C12orf54: variants seen among roughly 807,000 people sequenced by gnomAD.
C12orf54 encodes chromosome 12 open reading frame 54.
In C12orf54, 24 loss-of-function variants were observed where a neutral mutation model predicts 26.4. The ratio of observed to expected loss-of-function variants is 0.91; its 90% CI spans 0.66 to 1.28. The LOEUF (loss-of-function observed/expected upper bound fraction) is 1.28. Among genes scored for constraint, C12orf54 ranks in the 50% most tolerant of loss-of-function variants. The probability of loss-of-function intolerance (pLI) is 0.00; values close to 1 mark genes in which losing one functional copy is unlikely to be tolerated. For synonymous variants in C12orf54, 54 were observed against 47.0 expected, an observed-to-expected ratio of 1.15 and a Z score of -0.61; for missense variants, 154 against 150.9, an observed-to-expected ratio of 1.02 and a Z score of -0.11.
Position 48,494,990 on chromosome 12 carries a change from C to G in C12orf54, c.*40+11C>G, listed in dbSNP as rs1473251837. ...CTCTGCTTCCGCCAGGTGCTTTACC[C>G]AAGCAGCCTTTCCCCTGAGCTCCAC... On this transcript the variant is annotated intron_variant, in intron 8 of 8. Coordinates refer to ENST00000548364, the MANE Select transcript of C12orf54 (RefSeq NM_152319.4). The G allele has an allele frequency of 6.3e-7, 1 of 1,578,942 alleles. No homozygotes were observed. Among genetic ancestry groups the G allele is most frequent in the Admixed American group, 1.7e-5 (1 of 59,536 alleles).
chr12:48,435,562 C>G, the C12orf54 span, among the ~76,000 whole-genome samples: 1 of 152,210 alleles, frequency 6.6e-6, no homozygotes, highest in Non-Finnish European at 1.5e-5. Context: ...CAGCTGATCT[C>G]TCGGCAGAAA....
chr12:48,483,972 T>C (rs1371105531), intron 2 of C12orf54, among the ~76,000 whole-genome samples: 1 of 152,184 alleles, frequency 6.6e-6, no homozygotes, highest in Non-Finnish European at 1.5e-5. Context: ...GGCGGGCGGA[T>C]CACCTGAGGT....
upstream of C12orf54, among the ~76,000 whole-genome samples, chr12:48,481,477 G>A (rs1353448469): frequency 6.6e-6 from 1 of 152,098 alleles, no homozygotes; most frequent in Admixed American, 6.6e-5. Flanking sequence ...TAGTAAGAAG[G>A]TGGTGTGCAG....
the C12orf54 span, among the ~76,000 whole-genome samples, chr12:48,457,420 G>A: frequency 2.6e-5 from 4 of 151,972 alleles, no homozygotes; most frequent in Admixed American, 2.0e-4. Flanking sequence ...TGCAACCTCT[G>A]CCTTATGGGT....
At chr12:48,494,263 G>A (rs1937863055) in intron 7 of C12orf54, among the ~76,000 whole-genome samples, 2 of 151,876 alleles carry the variant, frequency 1.3e-5, no homozygotes, top group Admixed American at 6.6e-5. Context: ...TCCCGAACCA[G>A]GAAATGGAAA....
At chr12:48,441,356 G>C in the C12orf54 span, among the ~76,000 whole-genome samples, 1 of 152,140 alleles carries the variant, frequency 6.6e-6, no homozygotes, top group Non-Finnish European at 1.5e-5. Context: ...CCAGCTACTT[G>C]GGAGGCTGAG....
the C12orf54 span, chr12:48,473,550 A>G: frequency 8.6e-6 from 3 of 350,658 alleles, no homozygotes; most frequent in South Asian, 5.1e-5. Flanking sequence ...AGAGAGGAAA[A>G]GTGTACTGGG....
chr12:48,494,997 C>A lies in C12orf54; in HGVS notation c.*40+18C>A. ...TCCGCCAGGTGCTTTACCCAAGCAG[C>A]CTTTCCCCTGAGCTCCACCCTGCCC... On this transcript the variant is annotated intron_variant, in intron 8 of 8. Transcript: ENST00000548364. 6.4e-7 allele frequency: 1 copy of A among 1,564,052 alleles called. No individual in the cohort carries two copies. Among genetic ancestry groups the A allele is most frequent in the Non-Finnish European group, 8.8e-7 (1 of 1,141,186 alleles).
the C12orf54 span, among the ~76,000 whole-genome samples, chr12:48,430,639 A>T: frequency 5.9e-5 from 9 of 152,194 alleles, 1 homozygote; most frequent in Admixed American, 2.6e-4. Context: ...TTAAAAAAAT[A>T]AAAAAGCAGT....
chr12:48,415,356 A>T, the C12orf54 span, among the ~76,000 whole-genome samples: 1 of 152,198 alleles, frequency 6.6e-6, no homozygotes, highest in Non-Finnish European at 1.5e-5. Flanking sequence ...CTACTTTTTC[A>T]CCTACCATTC....
upstream of C12orf54, among the ~76,000 whole-genome samples, chr12:48,478,039 C>T (rs1305360437): frequency 6.6e-6 from 1 of 152,180 alleles, no homozygotes. Flanking sequence ...CATCATAAAG[C>T]TTATCCACCA....
At chr12:48,425,427 A>G in the C12orf54 span, among the ~76,000 whole-genome samples, 1 of 152,064 alleles carries the variant, frequency 6.6e-6, no homozygotes, top group East Asian at 1.9e-4. Flanking sequence ...TTATGATTGC[A>G]TGGCATTCTG....
chr12:48,458,394 G>A, the C12orf54 span, among the ~76,000 whole-genome samples: 6 of 152,056 alleles, frequency 3.9e-5, no homozygotes, highest in South Asian at 1.2e-3. Flanking sequence ...TTTTATTATC[G>A]GGGTGTTTGG....
chr12:48,450,843 C>G, the C12orf54 span, among the ~76,000 whole-genome samples: 1 of 152,050 alleles, frequency 6.6e-6, no homozygotes, highest in Admixed American at 6.6e-5. Flanking sequence ...AAATAGCCTA[C>G]CAACCATAAA....
the C12orf54 span, chr12:48,473,445 T>A: frequency 6.5e-6 from 4 of 614,206 alleles, no homozygotes; most frequent in Non-Finnish European, 2.8e-6. Context: ...AAATTCCTTT[T>A]GTGATTTTAC....
the C12orf54 span, among the ~76,000 whole-genome samples, chr12:48,429,438 G>A: frequency 6.6e-6 from 1 of 151,880 alleles, no homozygotes; most frequent in Non-Finnish European, 1.5e-5. Flanking sequence ...CCTCCAGAAG[G>A]CTCCTCAAAC....
the C12orf54 span, among the ~76,000 whole-genome samples, chr12:48,467,176 G>A: frequency 3.3e-5 from 5 of 152,068 alleles, no homozygotes; most frequent in African/African-American, 1.2e-4. Context: ...AGAAGAGAAG[G>A]TGATGGGAAG....
chr12:48,453,034 G>A, the C12orf54 span, among the ~76,000 whole-genome samples: 27 of 152,084 alleles, frequency 1.8e-4, no homozygotes, highest in African/African-American at 6.3e-4. Flanking sequence ...AAAGACACAT[G>A]CACATGTCTG....
chr12:48,461,260 A>G, the C12orf54 span, among the ~76,000 whole-genome samples: 1 of 152,114 alleles, frequency 6.6e-6, no homozygotes, highest in African/African-American at 2.4e-5. Context: ...AAGACAGAGA[A>G]CTAAGGAGAA....
Sources: gnomAD v4.1 joint callset for allele counts (sites outside exome capture counted in the v4.1 genomes callset) on GRCh38, gnomAD v4.1.1 for gene constraint, MANE v1.5 for transcripts, NCBI Gene and HGNC (gene_info 2026-07-23, HGNC 2026-07-21) for gene names.